STK32C: variants seen among roughly 807,000 people sequenced by gnomAD.
The protein encoded by STK32C is serine/threonine-protein kinase 32C.
A neutral mutation model predicts 56.5 loss-of-function variants in STK32C; 31 were observed. The observed-to-expected ratio is 0.55, with a 90% CI of 0.41 to 0.74. STK32C has a LOEUF of 0.74. STK32C is among the 30% of genes least tolerant of loss of function. The probability of loss-of-function intolerance (pLI) is 0.00; values close to 1 mark genes in which losing one functional copy is unlikely to be tolerated. For missense variants in STK32C, 544 were observed against 676.9 expected, an observed-to-expected ratio of 0.80 and a Z score of 2.18; for synonymous variants, 309 against 289.4, an observed-to-expected ratio of 1.07 and a Z score of -0.69.
intron 1 of STK32C, among the ~76,000 whole-genome samples, chr10:132,257,615 C>A (rs1032901702): frequency 1.3e-5 from 2 of 151,972 alleles, no homozygotes; most frequent in African/African-American, 4.8e-5. Context: ...CATCTGGTGC[C>A]CACCCCCTGC....
At chr10:132,273,647 G>T (rs1275642226) in intron 1 of STK32C, among the ~76,000 whole-genome samples, 4 of 146,014 alleles carry the variant, frequency 2.7e-5, no homozygotes, top group Non-Finnish European at 6.1e-5. Context: ...GAGTGAAGGA[G>T]TTAACAAATG....
chr10:132,209,128 G>T, intron 10 of STK32C, 27 bp from the exon 11 acceptor site: 1 of 1,605,994 alleles, frequency 6.2e-7, no homozygotes, highest in South Asian at 1.1e-5. Context: ...ACACGTGAGC[G>T]TGGGGGACGC....
upstream of STK32C, among the ~76,000 whole-genome samples, chr10:132,309,983 G>A (rs1006306689): frequency 6.6e-5 from 10 of 152,212 alleles, no homozygotes; most frequent in Admixed American, 2.0e-4. Context: ...AGGACCTGCA[G>A]GTAACCAGGA....
rs2062153477 is a variant in STK32C, at chr10:132,208,050, G to A, written c.1421C>T (p.Pro474Leu). The change falls in exon 12 of 12, where the codon CCC becomes CTC. Residue 474 changes from proline to leucine, a missense_variant. Physicochemically the swap from Pro to Leu is moderately conservative, Grantham distance 98. Around this residue, in one of 3 missense-constraint regions of STK32C, gnomAD observed 277 missense variants for 309.3 expected, o/e 0.90. Coordinates refer to ENST00000298630, the MANE Select transcript of STK32C (RefSeq NM_173575.4). ...CGAGGGGCAAATGGGGCCGCACATG[G>A]GCAGGGCGGAGCGTTCCGCCTCGTC... Reference protein sequence around the residue: ...VEDEAERSALPMCGPICPSAG... With the variant: ...VEDEAERSALLMCGPICPSAG... 3 of 1,311,178 alleles carry A rather than the reference G, an allele frequency of 2.3e-6. No individual in the cohort carries two copies. The highest frequency in any genetic ancestry group is 2.9e-6 in the Non-Finnish European group (3 of 1,022,384). 81.2% of individuals were successfully genotyped at this position (1,311,178 alleles called of 1,614,324 possible).
At chr10:132,212,630 T>C (rs200069961) in intron 10 of STK32C, among the ~76,000 whole-genome samples, 4 of 152,228 alleles carry the variant, frequency 2.6e-5, no homozygotes, top group East Asian at 3.9e-4. Flanking sequence ...AGATAGCCCA[T>C]GGAACAGGAG....
intron 1 of STK32C, among the ~76,000 whole-genome samples, chr10:132,317,896 T>G (rs2066335930): frequency 6.7e-6 from 1 of 148,442 alleles, no homozygotes; most frequent in Non-Finnish European, 1.5e-5. Context: ...GAGAATCGCT[T>G]GAACCCAGGA....
At chr10:132,267,755 G>A (rs1242487805) in intron 1 of STK32C, among the ~76,000 whole-genome samples, 6 of 129,830 alleles carry the variant, frequency 4.6e-5, no homozygotes, top group East Asian at 2.0e-4. Context: ...GTGTCGGTGC[G>A]TGTGCATGCA....
intron 1 of STK32C, among the ~76,000 whole-genome samples, chr10:132,261,388 C>A (rs932262367): frequency 6.6e-6 from 1 of 152,120 alleles, no homozygotes; most frequent in Non-Finnish European, 1.5e-5. Flanking sequence ...TTACAACAGC[C>A]AAAAAATAAA....
chr10:132,266,891 C>G (rs553178529), intron 1 of STK32C, among the ~76,000 whole-genome samples: 2 of 152,120 alleles, frequency 1.3e-5, no homozygotes, highest in East Asian at 3.9e-4. Flanking sequence ...TCTCAGCCAG[C>G]CTTGAGGCAT....
rs2066099818 is a variant in STK32C, at chr10:132,307,139, GC to G, written c.262+432del. On this transcript the variant is annotated intron_variant, in intron 1 of 11. Coordinates refer to ENST00000298630, the MANE Select transcript of STK32C (RefSeq NM_173575.4). The surrounding 1 kb of genome is among the most constrained non-coding windows in gnomAD (Gnocchi z 4.4). Reference sequence around the variant, plus strand: ...GGAGACTGAGCCTCTGAGCGGCCGGGCCCCGCCACCTGTGGGGCAGGAGCCT... The same window carrying G: ...GGAGACTGAGCCTCTGAGCGGCCGGGCCCGCCACCTGTGGGGCAGGAGCCT... 1 of 153,716 alleles carries G rather than the reference GC, an allele frequency of 6.5e-6. No individual in the cohort carries two copies. The highest frequency in any genetic ancestry group is 1.4e-5 in the Non-Finnish European group (1 of 69,088). The allele number at this position is 153,716 out of a possible 1,614,324, so 9.5% of individuals were successfully genotyped here. A position where few individuals can be genotyped will look rare whatever the true frequency, so the allele number is the denominator to read the frequency against.
chr10:132,292,659 T>C (rs2065604919), intron 1 of STK32C, among the ~76,000 whole-genome samples: 1 of 152,182 alleles, frequency 6.6e-6, no homozygotes. Flanking sequence ...AGATTCCCGG[T>C]GCCAGCCCAG....
upstream of STK32C, chr10:132,331,931 G>C: frequency 3.7e-6 from 2 of 534,918 alleles, no homozygotes; most frequent in Non-Finnish European, 5.6e-6. Context: ...CCCACCGCAA[G>C]CGCAACCCCC....
chr10:132,245,289 C>A (rs113168662), intron 2 of STK32C, among the ~76,000 whole-genome samples: 59 of 152,356 alleles, frequency 3.9e-4, no homozygotes, highest in African/African-American at 1.4e-3. Context: ...CACAACAGAG[C>A]TGCGCGCAGA....
chr10:132,295,851 C>T (rs1185773085), intron 1 of STK32C, among the ~76,000 whole-genome samples: 36 of 152,054 alleles, frequency 2.4e-4, no homozygotes, highest in Admixed American at 2.4e-3. Flanking sequence ...CCACTGCACT[C>T]CAGCCCGGGC....
intron 1 of STK32C, among the ~76,000 whole-genome samples, chr10:132,254,788 C>T (rs1392478180): frequency 6.6e-6 from 1 of 152,078 alleles, no homozygotes; most frequent in Non-Finnish European, 1.5e-5. Context: ...CGGCACAATG[C>T]GTGCACCCCA....
intron 9 of STK32C, 38 bp downstream of exon 9, chr10:132,222,823 T>TC (rs1565073159): frequency 1.3e-6 from 2 of 1,592,452 alleles, no homozygotes; most frequent in Admixed American, 3.5e-5. Flanking sequence ...GCCACATCCA[T>TC]CCCCAGGGCC....
chr10:132,231,840 C>T (rs1317993405), intron 2 of STK32C, among the ~76,000 whole-genome samples: 1 of 152,234 alleles, frequency 6.6e-6, no homozygotes, highest in Non-Finnish European at 1.5e-5. Flanking sequence ...GAGGACACCA[C>T]GAGTGGCCAG....
intron 10 of STK32C, among the ~76,000 whole-genome samples, chr10:132,218,245 G>A (rs2062529613): frequency 6.6e-6 from 1 of 152,058 alleles, no homozygotes; most frequent in Non-Finnish European, 1.5e-5. Context: ...CTTGAGCCCA[G>A]GAAGTCAAGG....
intron 1 of STK32C, among the ~76,000 whole-genome samples, chr10:132,316,487 C>T (rs551256192): frequency 6.6e-6 from 1 of 152,196 alleles, no homozygotes; most frequent in South Asian, 2.1e-4. Context: ...GGCATGGTGG[C>T]ATGCACCTGT....
Sources: gnomAD v4.1 joint callset for allele counts (sites outside exome capture counted in the v4.1 genomes callset) on GRCh38, gnomAD v4.1.1 for gene constraint, gnomAD v4.1.1 regional missense constraint, Gnocchi (gnomAD v3.1) non-coding constraint, MANE v1.5 for transcripts, NCBI Gene and HGNC (gene_info 2026-07-23, HGNC 2026-07-21) for gene names.